Variants in TMEM87A observed in about 807,000 individuals in gnomAD.
TMEM87A encodes the protein Golgi-pH regulating cation channel.
TMEM87A carries 50 observed loss-of-function variants against 90.0 expected under a neutral mutation model. The observed-to-expected ratio is 0.56, with a 90% CI of 0.44 to 0.70. The LOEUF is 0.70. Ranked by LOEUF, TMEM87A falls within the 30% of genes least tolerant of loss-of-function variation. The pLI, the probability that TMEM87A is intolerant of heterozygous loss-of-function variation, is 0.00. For synonymous variants in TMEM87A, 226 were observed against 226.7 expected, an observed-to-expected ratio of 1.00 and a Z score of 0.03; for missense variants, 577 against 660.5, an observed-to-expected ratio of 0.87 and a Z score of 1.39.
chr15:42,221,271 CAGAGAG>C lies in TMEM87A; in HGVS notation c.1404-1142_1404-1137del, dbSNP rs1208211599. On this transcript the variant is annotated intron_variant, in intron 15 of 19. Transcript: ENST00000389834. ...CAAGAAAAGAAAGGAGAGACAGAGA[CAGAGAG>C]AGAGAGAGAGAGAGAGAGACAGAGA... 1.1e-4 allele frequency among the ~76,000 whole-genome samples: 12 copies of C among 111,894 alleles called. No individual in the cohort carries two copies. The East Asian group carries it at 2.1e-3, about 20-fold the overall frequency. 73.4% of individuals were successfully genotyped at this position (111,894 alleles called of 152,430 possible).
intron 3 of TMEM87A, among the ~76,000 whole-genome samples, 158 bp downstream of exon 3, chr15:42,267,789 A>C (rs1474433441): frequency 6.6e-6 from 1 of 152,174 alleles, no homozygotes; most frequent in Admixed American, 6.5e-5. Flanking sequence ...GAAACCAAAA[A>C]GTTTGAGAAT....
chr15:42,213,844 T>G (rs2050336419), intron 19 of TMEM87A, among the ~76,000 whole-genome samples: 1 of 151,756 alleles, frequency 6.6e-6, no homozygotes, highest in African/African-American at 2.4e-5. Flanking sequence ...AAATAGAGAA[T>G]CAGTGAAACA....
At position 42,240,610 on chromosome 15, in the gene TMEM87A, A is replaced by T. The variant is rs368879045; in HGVS notation, c.623-879T>A. ...ATTTTAAGATTATCTGTAATTTTAA[A>T]AACTATTTCAAGATGGACTATTTTA... is the stretch of plus-strand genomic sequence containing the variant. On this transcript the variant is annotated intron_variant, in intron 7 of 19. Transcript: ENST00000389834. Among the ~76,000 whole-genome samples the T allele has an allele frequency of 2.8e-4, 43 of 152,330 alleles. 1 individual carries two copies. Among genetic ancestry groups the T allele is most frequent in the Middle Eastern group, 6.8e-3 (2 of 294 alleles).
At chr15:42,261,914 G>A (rs1001433379) in intron 4 of TMEM87A, among the ~76,000 whole-genome samples, 52 of 152,274 alleles carry the variant, frequency 3.4e-4, no homozygotes, top group Non-Finnish European at 7.4e-4. Context: ...GACTACAGGC[G>A]TGAGCCACCG....
chr15:42,221,840 T>A (rs542714860), intron 15 of TMEM87A, among the ~76,000 whole-genome samples: 6 of 152,156 alleles, frequency 3.9e-5, no homozygotes, highest in Non-Finnish European at 7.4e-5. Context: ...AGCCTCGACA[T>A]CCCAGGTTCA....
chr15:42,236,300 T>C lies in TMEM87A; in HGVS notation c.968+20A>G. The C allele has an allele frequency of 3.1e-6, 5 of 1,598,888 alleles. No individual in the cohort carries two copies. Among genetic ancestry groups the C allele is most frequent in the Non-Finnish European group, 3.4e-6 (4 of 1,166,232 alleles). ...ATCAGCATTTTAATTTGCTCTTCCA[T>C]ACAGGAAGTTAATACTTACTTGACG... On this transcript the variant is annotated intron_variant, in intron 10 of 19. Coordinates refer to ENST00000389834, the MANE Select transcript of TMEM87A (RefSeq NM_015497.5).
At chr15:42,245,770 G>T (rs1389523336) in intron 6 of TMEM87A, among the ~76,000 whole-genome samples, 1 of 151,890 alleles carries the variant, frequency 6.6e-6, no homozygotes, top group Non-Finnish European at 1.5e-5. Context: ...GACCTCAGGT[G>T]ATCCACCCAC....
chr15:42,269,855 G>A (rs555013110), intron 2 of TMEM87A, among the ~76,000 whole-genome samples: 56 of 137,874 alleles, frequency 4.1e-4, no homozygotes, highest in South Asian at 3.4e-3. Flanking sequence ...AGAATGGCGT[G>A]AACCTGGGAA....
chr15:42,231,968 T>C, intron 11 of TMEM87A: 2 of 1,006,170 alleles, frequency 2.0e-6, no homozygotes, highest in East Asian at 7.2e-5. Flanking sequence ...TTAAAGTTGC[T>C]AGAAGTCTAA....
chr15:42,234,929 T>C (rs1417959835), intron 10 of TMEM87A, among the ~76,000 whole-genome samples: 1 of 152,212 alleles, frequency 6.6e-6, no homozygotes, highest in Non-Finnish European at 1.5e-5. Flanking sequence ...AACTACTTCA[T>C]CTTACAGACT....
intron 4 of TMEM87A, among the ~76,000 whole-genome samples, chr15:42,263,692 G>C (rs2051341150): frequency 6.6e-6 from 1 of 152,206 alleles, no homozygotes; most frequent in Admixed American, 6.5e-5. Context: ...AGACTGCAGT[G>C]AGCCGAGATT....
intron 9 of TMEM87A, 26 bp downstream of exon 9, chr15:42,237,406 C>A (rs746511005): frequency 3.1e-6 from 5 of 1,609,482 alleles, no homozygotes; most frequent in Admixed American, 3.3e-5. Context: ...ACCACTCGAA[C>A]TGGCAAAGAT....
In TMEM87A at chr15:42,273,102, G is replaced by A. The variant is rs1317648503; in HGVS notation, c.144+153C>T. 4.4e-6 allele frequency: 4 copies of A among 913,802 alleles called. No individual in the cohort carries two copies. The African/African-American group carries it at 6.6e-5, about 15-fold the overall frequency. 56.6% of individuals were successfully genotyped at this position (913,802 alleles called of 1,614,324 possible). On this transcript the variant is annotated intron_variant, in intron 1 of 19. Coordinates refer to ENST00000389834, the MANE Select transcript of TMEM87A (RefSeq NM_015497.5). ...AGAAGTGCGCGGCTTTCCACTCCAGGGAGGTGGGTCCCAGTTGGCTAGCCA... is the reference window on the plus strand; with the variant it reads ...AGAAGTGCGCGGCTTTCCACTCCAGAGAGGTGGGTCCCAGTTGGCTAGCCA...
chr15:42,230,553 A>T (rs148892833), intron 12 of TMEM87A, among the ~76,000 whole-genome samples: 1 of 152,228 alleles, frequency 6.6e-6, no homozygotes, highest in African/African-American at 2.4e-5. Context: ...ATTTAATTTT[A>T]AAGAGCAGGA....
chr15:42,212,937 C>T (rs542895264), intron 19 of TMEM87A, among the ~76,000 whole-genome samples: 1 of 152,208 alleles, frequency 6.6e-6, no homozygotes, highest in South Asian at 2.1e-4. Context: ...AATAGGAAGC[C>T]CTGGACACTC....
rs866352054 is a variant in TMEM87A, at chr15:42,263,431, T to C, written c.405+659A>G. ...ATTTTTGTTTAATAGGTATGATGTT[T>C]CAGTTTGGGATGATAAAAGTACTAG... On this transcript the variant is annotated intron_variant, in intron 4 of 19. Coordinates refer to ENST00000389834, the MANE Select transcript of TMEM87A (RefSeq NM_015497.5). 4.6e-5 allele frequency among the ~76,000 whole-genome samples: 7 copies of C among 152,260 alleles called. No individual in the cohort carries two copies. In the South Asian group the frequency reaches 1.0e-3, roughly 23 times the overall value.
Position 42,264,163 on chromosome 15 carries a change from T to C in TMEM87A, c.332A>G (p.Lys111Arg). The C allele has an allele frequency of 6.2e-7, 1 of 1,613,864 alleles. No individual in the cohort carries two copies. The highest frequency in any genetic ancestry group is 8.5e-7 in the Non-Finnish European group (1 of 1,179,908). ...TTGATATTTCCCAGACAAGCCTCTTTTTTCCTTAAGTTTTTCCAAATACAA... is the reference window on the plus strand; with the variant it reads ...TTGATATTTCCCAGACAAGCCTCTTCTTTCCTTAAGTTTTTCCAAATACAA... ...VELYLEKLKE[K>R]RGLSGKYQTS... The change falls in exon 4 of 20, where the codon AAA becomes AGA. Residue 111 changes from lysine to arginine, a missense_variant. Physicochemically the swap from Lys to Arg is conservative, Grantham distance 26. Coordinates refer to ENST00000389834, the MANE Select transcript of TMEM87A (RefSeq NM_015497.5).
chr15:42,273,403 A>T lies in TMEM87A; in HGVS notation c.-5T>A. 1 of 1,613,888 alleles carries T rather than the reference A, an allele frequency of 6.2e-7. No individual in the cohort carries two copies. On this transcript the variant is annotated 5_prime_UTR_variant, in exon 1 of 20. The change abolishes the stop of an existing upstream ORF in the 5' untranslated region. Transcript: ENST00000389834. ...AAGCCACGCAGCCGCCGCCATCTTC[A>T]CAGCCGTGGAGTGCCTACCGAAAGC... is the stretch of plus-strand genomic sequence containing the variant.
chr15:42,260,233 G>C (rs377643096), intron 6 of TMEM87A, among the ~76,000 whole-genome samples: 2 of 152,094 alleles, frequency 1.3e-5, no homozygotes, highest in Admixed American at 1.3e-4. Context: ...AAATTAACCA[G>C]GCATGGTGGT....
Sources: gnomAD v4.1 joint callset for allele counts (sites outside exome capture counted in the v4.1 genomes callset) on GRCh38, gnomAD v4.1.1 for gene constraint, MANE v1.5 for transcripts, NCBI Gene and HGNC (gene_info 2026-07-23, HGNC 2026-07-21) for gene names.